Variants in ITPKB observed in about 807,000 individuals in gnomAD.
The protein encoded by ITPKB is inositol-trisphosphate 3-kinase B, also known as IP3 3-kinase B.
ITPKB carries 13 observed loss-of-function variants against 69.4 expected under a neutral mutation model. The observed-to-expected ratio is 0.19, with a 90% CI of 0.12 to 0.30. The LOEUF (loss-of-function observed/expected upper bound fraction) is 0.30, where lower values mean the gene tolerates loss of function less well. Ranked by LOEUF, ITPKB falls within the 10% of genes least tolerant of loss-of-function variation. The probability of loss-of-function intolerance (pLI) is 1.00; values close to 1 mark genes in which losing one functional copy is unlikely to be tolerated. For synonymous variants in ITPKB, 584 were observed against 513.7 expected, an observed-to-expected ratio of 1.14 and a Z score of -1.85; for missense variants, 1,240 against 1,250.5, an observed-to-expected ratio of 0.99 and a Z score of 0.13.
At chr1:226,659,283 G>A (rs1669356508) in intron 2 of ITPKB, among the ~76,000 whole-genome samples, 1 of 152,140 alleles carries the variant, frequency 6.6e-6, no homozygotes, top group Non-Finnish European at 1.5e-5. Context: ...AAAGGAGGTT[G>A]CCCAAGGCCC....
chr1:226,724,624 G>C (rs2102645958), intron 2 of ITPKB, among the ~76,000 whole-genome samples: 1 of 152,258 alleles, frequency 6.6e-6, no homozygotes, highest in African/African-American at 2.4e-5. Flanking sequence ...GTTTTCTCTA[G>C]GGTCACACAG....
Position 226,637,734 on chromosome 1 carries a change from C to T in ITPKB, c.2570G>A (p.Arg857Gln), listed in dbSNP as rs768680944. Residue 857 changes from arginine (R) to glutamine (Q), a missense_variant, in exon 7 of 8, where the codon CGG becomes CAG. Around this residue, in one of 2 missense-constraint regions of ITPKB, gnomAD observed 248 missense variants for 396.7 expected, o/e 0.63. Transcript: ENST00000429204. The surrounding 1 kb of genome is among the most constrained non-coding windows in gnomAD (Gnocchi z 4.3). The stretch of plus-strand genomic sequence containing the variant: ...TAGAGTGGTTCGAATGGCCTTCAGC[C>T]GGTCCCGATAGGCGATCTGGGAATA... ...NHNILIAYRDRLKAIRTTLEV... is the reference protein window; with the variant it reads ...NHNILIAYRDQLKAIRTTLEV... 5.6e-6 allele frequency: 9 copies of T among 1,613,822 alleles called. No individual in the cohort carries two copies. Among genetic ancestry groups the T allele is most frequent in the South Asian group, 2.2e-5 (2 of 91,014 alleles).
rs923379276 is a variant in ITPKB at position 226,641,846 on chromosome 1, G to C, written c.2451+75C>G. 9 of 1,349,718 alleles carry C rather than the reference G, an allele frequency of 6.7e-6. No individual in the cohort carries two copies. In the East Asian group the frequency reaches 2.1e-4, roughly 31 times the overall value. 83.6% of individuals were successfully genotyped at this position (1,349,718 alleles called of 1,614,324 possible). A position where few individuals can be genotyped will look rare whatever the true frequency, so the allele number is the denominator to read the frequency against. ...CCTGGAGAAGCTTACAGCTTCCAAA[G>C]GGCGCTGAGAGAAGCCAAGCCCCCT... On this transcript the variant is annotated intron_variant, in intron 5 of 7. Transcript: ENST00000429204. This position sits in a 1 kb window ranked among gnomAD's most constrained non-coding sequence, Gnocchi z 4.6.
rs1390014265 is a variant in ITPKB at position 226,738,753 on chromosome 1, C to T, written c.-206+288G>A. 2.0e-5 allele frequency among the ~76,000 whole-genome samples: 3 copies of T among 152,310 alleles called. No homozygotes were observed. The South Asian group carries it at 6.2e-4, about 32-fold the overall frequency. On this transcript the variant is annotated intron_variant, in intron 1 of 7. Coordinates refer to ENST00000429204, the MANE Select transcript of ITPKB (RefSeq NM_002221.4). The surrounding 1 kb of genome is among the most constrained non-coding windows in gnomAD (Gnocchi z 4.2). ...GCAGCCTCGCCCGGCGCCAGCAGAG[C>T]CGCCCCGAGACCCCAGCCTGGGGAC...
At chr1:226,697,792 C>T (rs1353615326) in intron 2 of ITPKB, among the ~76,000 whole-genome samples, 1 of 152,188 alleles carries the variant, frequency 6.6e-6, no homozygotes, top group Non-Finnish European at 1.5e-5. Context: ...CAGAACTCTC[C>T]ACATAAGAGC....
At chr1:226,654,271 G>C (rs1558074983) in intron 2 of ITPKB, among the ~76,000 whole-genome samples, 2 of 152,136 alleles carry the variant, frequency 1.3e-5, no homozygotes, top group South Asian at 4.1e-4. Flanking sequence ...TGCATTGGAG[G>C]AGACAGGAAG....
intron 2 of ITPKB, among the ~76,000 whole-genome samples, chr1:226,652,619 G>C (rs1014940275): frequency 6.6e-6 from 1 of 152,218 alleles, no homozygotes; most frequent in African/African-American, 2.4e-5. Flanking sequence ...CCCAGCTCTA[G>C]GAAATACAAA....
chr1:226,665,579 G>A (rs1669480485), intron 2 of ITPKB, among the ~76,000 whole-genome samples: 1 of 152,160 alleles, frequency 6.6e-6, no homozygotes, highest in African/African-American at 2.4e-5. Flanking sequence ...GATGAGATGA[G>A]TAGCGGAGGA....
At position 226,703,960 on chromosome 1, in the gene ITPKB, TA is replaced by T. The variant is rs534025076; in HGVS notation, c.1932+31566del. On this transcript the variant is annotated intron_variant, in intron 2 of 7. Coordinates refer to ENST00000429204, the MANE Select transcript of ITPKB (RefSeq NM_002221.4). ...TTAATTAATTTTGTTCAAGAGCTAA[TA>T]AAAAAAAAATCTTCATTTCTTTGGA... Among the ~76,000 whole-genome samples, 89 of 150,174 alleles carry T rather than the reference TA, an allele frequency of 5.9e-4. 1 individual carries two copies. The highest frequency in any genetic ancestry group is 3.0e-3 in the South Asian group (14 of 4,738).
At chr1:226,723,749 TC>T (rs1386489741) in intron 2 of ITPKB, among the ~76,000 whole-genome samples, 1 of 152,126 alleles carries the variant, frequency 6.6e-6, no homozygotes, top group Non-Finnish European at 1.5e-5. Flanking sequence ...TCAGCCAGTT[TC>T]CACCTACAAA....
chr1:226,700,158 T>C (rs892259775), intron 2 of ITPKB, among the ~76,000 whole-genome samples: 2 of 152,136 alleles, frequency 1.3e-5, no homozygotes, highest in African/African-American at 2.4e-5. Flanking sequence ...AACACCGTCA[T>C]AGACACACCC....
chr1:226,657,822 A>G (rs1185710635), intron 2 of ITPKB, among the ~76,000 whole-genome samples: 1 of 152,202 alleles, frequency 6.6e-6, no homozygotes, highest in Non-Finnish European at 1.5e-5. Flanking sequence ...CTGGGCTCCC[A>G]TCATCTCTCT....
chr1:226,638,020 A>G lies in ITPKB; in HGVS notation c.2554-270T>C, dbSNP rs1668875992. ...CATGGAGCCCTATAAACCCATGTCAAGCTTTGCTGGCCTTGGGGGGTGCCC... is the reference window on the plus strand; with the variant it reads ...CATGGAGCCCTATAAACCCATGTCAGGCTTTGCTGGCCTTGGGGGGTGCCC... On this transcript the variant is annotated intron_variant, in intron 6 of 7. Transcript: ENST00000429204. Among the ~76,000 whole-genome samples, 6 of 152,236 alleles carry G rather than the reference A, an allele frequency of 3.9e-5. No homozygotes were observed. The South Asian group carries it at 1.2e-3, about 32-fold the overall frequency.
At chr1:226,656,366 C>T (rs920804211) in intron 2 of ITPKB, among the ~76,000 whole-genome samples, 7 of 152,132 alleles carry the variant, frequency 4.6e-5, no homozygotes, top group African/African-American at 1.4e-4. Context: ...ATCTGGAGCC[C>T]GGTCAGAGGC....
chr1:226,721,731 G>A (rs1213562917), intron 2 of ITPKB, among the ~76,000 whole-genome samples: 1 of 152,066 alleles, frequency 6.6e-6, no homozygotes, highest in African/African-American at 2.4e-5. Flanking sequence ...CTGACCTCAG[G>A]TGATCCACCT....
chr1:226,732,965 C>T (rs899473717), intron 2 of ITPKB, among the ~76,000 whole-genome samples: 1 of 152,152 alleles, frequency 6.6e-6, no homozygotes, highest in Non-Finnish European at 1.5e-5. Flanking sequence ...ATGAAGAAAG[C>T]GCCACAGGAG....
Position 226,737,545 on chromosome 1 carries a change from C to A in ITPKB, c.-87G>T, listed in dbSNP as rs941555068. 9.7e-5 allele frequency: 122 copies of A among 1,256,536 alleles called. 1 individual carries two copies. The highest frequency in any genetic ancestry group is 6.1e-4 in the Middle Eastern group (2 of 3,276). The allele number at this position is 1,256,536 out of a possible 1,614,324, so 77.8% of individuals were successfully genotyped here. Reference sequence around the variant, plus strand: ...CCTCCTCCCGGCGCTCCCGGCTCAGCCCCGGAGGCCCGGCAGCCGCGGCTC... The same window carrying A: ...CCTCCTCCCGGCGCTCCCGGCTCAGACCCGGAGGCCCGGCAGCCGCGGCTC... On this transcript the variant is annotated 5_prime_UTR_variant, in exon 2 of 8. Transcript: ENST00000429204.
At chr1:226,652,462 AC>A (rs568182280) in intron 2 of ITPKB, among the ~76,000 whole-genome samples, 204 of 152,296 alleles carry the variant, frequency 1.3e-3, no homozygotes, top group African/African-American at 4.4e-3. Flanking sequence ...AAGGAGGACA[AC>A]CCAGAAGAAT....
At chr1:226,649,962 C>T (rs1177471514) in intron 2 of ITPKB, among the ~76,000 whole-genome samples, 2 of 152,080 alleles carry the variant, frequency 1.3e-5, no homozygotes, top group Admixed American at 6.5e-5. Flanking sequence ...CTCAGGGGGG[C>T]GATGAGAACC....
Sources: gnomAD v4.1 joint callset for allele counts (sites outside exome capture counted in the v4.1 genomes callset) on GRCh38, gnomAD v4.1.1 for gene constraint, gnomAD v4.1.1 regional missense constraint, Gnocchi (gnomAD v3.1) non-coding constraint, MANE v1.5 for transcripts, NCBI Gene and HGNC (gene_info 2026-07-23, HGNC 2026-07-21) for gene names.